The following EED variants were observed in gnomAD, a reference collection of about 807,000 sequenced individuals.
EED encodes the protein polycomb protein EED.
Under a neutral mutation model 61.0 loss-of-function variants are expected in EED, and 9 were observed. That is an observed-to-expected ratio of 0.15 (90% CI 0.09 to 0.26). The LOEUF is 0.26. Among genes scored for constraint, EED ranks in the 10% least tolerant of loss-of-function variants. The probability of loss-of-function intolerance (pLI) is 1.00; values close to 1 mark genes in which losing one functional copy is unlikely to be tolerated. For synonymous variants in EED, 187 were observed against 174.4 expected, an observed-to-expected ratio of 1.07 and a Z score of -0.57; for missense variants, 315 against 542.3, an observed-to-expected ratio of 0.58 and a Z score of 4.16.
chr11:86,252,301 T>G, intron 3 of EED, 61 bp downstream of exon 3: 1 of 1,178,524 alleles, frequency 8.5e-7, no homozygotes, highest in South Asian at 1.5e-5. Context: ...GTTAATGTAA[T>G]ATTGAAATAG....
intron 9 of EED, among the ~76,000 whole-genome samples, chr11:86,272,336 G>A (rs1394677015): frequency 1.3e-5 from 2 of 151,828 alleles, no homozygotes; most frequent in African/African-American, 4.8e-5. Context: ...GGGGTTACAG[G>A]CGTGAGCCAC....
chr11:86,257,340 C>CTTT (rs374892814), intron 5 of EED, among the ~76,000 whole-genome samples, 175 bp from the exon 6 acceptor site: 2 of 101,812 alleles, frequency 2.0e-5, no homozygotes, highest in East Asian at 5.3e-4. Flanking sequence ...TGCCTGGGGT[C>CTTT]TTTTTTTTTT....
intron 7 of EED, 82 bp from the exon 8 acceptor site, chr11:86,266,001 A>G (rs1945965739): frequency 8.3e-7 from 1 of 1,200,604 alleles, no homozygotes; most frequent in African/African-American, 1.6e-5. Context: ...TACAGTTTTC[A>G]CTATGTTGCA....
rs71040225 is a variant in EED at position 86,268,594 on chromosome 11, C to CGTGTGTGTGT, written c.966+56_966+65dup. 26,063 of 818,656 alleles carry CGTGTGTGTGT rather than the reference C, an allele frequency of 0.032. 378 individuals are homozygous for CGTGTGTGTGT. The highest frequency in any genetic ancestry group is 0.033 in the African/African-American group (1,795 of 53,756). The allele number at this position is 818,656 out of a possible 1,614,324, so 50.7% of individuals were successfully genotyped here. ...AACTGCAGTTAAGCTGTACTTCCAT[C>CGTGTGTGTGT]GTGTGTGTGTGTGTGTGTGTGTGTG... On this transcript the variant is annotated intron_variant, in intron 9 of 11. Coordinates refer to ENST00000263360, the MANE Select transcript of EED (RefSeq NM_003797.5).
chr11:86,247,585 G>A (rs1157685118), intron 1 of EED, among the ~76,000 whole-genome samples: 2 of 152,122 alleles, frequency 1.3e-5, no homozygotes, highest in African/African-American at 2.4e-5. Flanking sequence ...AATAATAGAA[G>A]GAAGTGCTAA....
At chr11:86,270,929 A>G (rs1946098896) in intron 9 of EED, among the ~76,000 whole-genome samples, 1 of 152,128 alleles carries the variant, frequency 6.6e-6, no homozygotes, top group African/African-American at 2.4e-5. Flanking sequence ...TAGCTCTATA[A>G]TTATTCTTGG....
Position 86,245,033 on chromosome 11 carries a change from G to C in EED, c.-197G>C. On this transcript the variant is annotated 5_prime_UTR_variant, in exon 1 of 12. Transcript: ENST00000263360. ...GCCGCGCGGGAGGGCGCGCGCGCGC[G>C]CCCCTTTTTCAGCAGTGTGGCGGGG... is the stretch of plus-strand genomic sequence containing the variant. 2.1e-6 allele frequency: 1 copy of C among 486,010 alleles called. No individual in the cohort carries two copies. The highest frequency in any genetic ancestry group is 2.9e-5 in the South Asian group (1 of 34,662). The allele number at this position is 486,010 out of a possible 1,614,324, so 30.1% of individuals were successfully genotyped here.
chr11:86,279,943 C>G (rs1946304261), downstream of EED, among the ~76,000 whole-genome samples: 1 of 152,158 alleles, frequency 6.6e-6, no homozygotes, highest in African/African-American at 2.4e-5. Flanking sequence ...ACTGTCATAT[C>G]CTTTTAGCAA....
chr11:86,247,623 C>G (rs960689420), intron 1 of EED, among the ~76,000 whole-genome samples: 3 of 152,194 alleles, frequency 2.0e-5, no homozygotes, highest in Admixed American at 2.0e-4. Flanking sequence ...AATTAAGATG[C>G]AATTTTTTTT....
intron 9 of EED, among the ~76,000 whole-genome samples, chr11:86,270,620 C>T (rs527873481): frequency 2.6e-5 from 4 of 152,086 alleles, no homozygotes; most frequent in South Asian, 2.1e-4. Flanking sequence ...AAGATTTTCT[C>T]CTGTGTTCTC....
intron 6 of EED, chr11:86,263,879 A>G (rs1397478471): frequency 9.8e-6 from 3 of 307,682 alleles, no homozygotes; most frequent in Non-Finnish European, 1.2e-5. Context: ...ATTTGTGAGG[A>G]TGGAGCCCCC....
In EED at chr11:86,245,315, G is replaced by C. The variant is rs1371470025; in HGVS notation, c.86G>C (p.Ser29Thr). ...KKQKLSSDENSNPDLSGDEND... is the reference protein window; with the variant it reads ...KKQKLSSDENTNPDLSGDEND... ...CAGAAGCTGAGCAGTGACGAGAACA[G>C]CAATCCAGACCTCTCTGGAGACGAG... is the stretch of plus-strand genomic sequence containing the variant. Residue 29 changes from serine (S) to threonine (T), a missense_variant, in exon 1 of 12, where the codon AGC (serine) becomes ACC (threonine). By Grantham distance (58) the Ser-to-Thr change is moderately conservative (BLOSUM62 1). Coordinates refer to ENST00000263360, the MANE Select transcript of EED (RefSeq NM_003797.5). The C allele has an allele frequency of 6.2e-7, 1 of 1,613,226 alleles. No homozygotes were observed. Among genetic ancestry groups the C allele is most frequent in the African/African-American group, 1.3e-5 (1 of 74,842 alleles).
chr11:86,245,182 C>A lies in EED; in HGVS notation c.-48C>A. 2 of 1,528,394 alleles carry A rather than the reference C, an allele frequency of 1.3e-6. No homozygotes were observed. The highest frequency in any genetic ancestry group is 1.8e-6 in the Non-Finnish European group (2 of 1,112,770). 94.7% of individuals were successfully genotyped at this position (1,528,394 alleles called of 1,614,324 possible). ...CCGGGCTTGCTTGACGGCGGTGTGG[C>A]GGAGGCCCCGCCCCAGGCGGCAGGA... is the stretch of plus-strand genomic sequence containing the variant. On this transcript the variant is annotated 5_prime_UTR_variant, in exon 1 of 12. Coordinates refer to ENST00000263360, the MANE Select transcript of EED (RefSeq NM_003797.5).
intron 10 of EED, chr11:86,277,340 G>T: frequency 2.5e-6 from 1 of 403,342 alleles, no homozygotes. Context: ...ATGATCTGCA[G>T]TGCTTACTTT....
intron 9 of EED, among the ~76,000 whole-genome samples, chr11:86,272,199 AG>A (rs1287815754): frequency 4.7e-5 from 7 of 147,536 alleles, no homozygotes; most frequent in Non-Finnish European, 1.5e-5. Context: ...CTGGGACTAC[AG>A]GAGCCTGCCA....
intron 5 of EED, among the ~76,000 whole-genome samples, chr11:86,257,185 T>G (rs1254577170): frequency 2.1e-5 from 3 of 143,356 alleles, no homozygotes. Flanking sequence ...AATTTTTAAT[T>G]TGTGTGTGTG....
At chr11:86,274,453 T>TA (rs1396683787) in intron 9 of EED, among the ~76,000 whole-genome samples, 1 of 152,182 alleles carries the variant, frequency 6.6e-6, no homozygotes, top group Non-Finnish European at 1.5e-5. Context: ...TTTTGGGTAT[T>TA]ACGAGACTCT....
In EED at chr11:86,245,144, C is replaced by G; in HGVS notation, c.-86C>G. ...GGTGGCGGCGGCAGCGGCAACTTTG[C>G]GGCAAGCTCGGGCCGGGCTTGCTTG... On this transcript the variant is annotated 5_prime_UTR_variant, in exon 1 of 12. Coordinates refer to ENST00000263360, the MANE Select transcript of EED (RefSeq NM_003797.5). 1 of 1,123,168 alleles carries G rather than the reference C, an allele frequency of 8.9e-7. No homozygotes were observed. The highest frequency in any genetic ancestry group is 1.4e-5 in the South Asian group (1 of 70,296). The allele number at this position is 1,123,168 out of a possible 1,614,324, so 69.6% of individuals were successfully genotyped here. A position where few individuals can be genotyped will look rare whatever the true frequency, so the allele number is the denominator to read the frequency against.
At chr11:86,278,147 ATTTTTGTT>A in intron 11 of EED, 156 bp downstream of exon 11, 2 of 1,335,614 alleles carry the variant, frequency 1.5e-6, no homozygotes, top group Non-Finnish European at 1.9e-6. Flanking sequence ...TATTCCAATA[ATTTTTGTT>A]TTTCCTAAGT....
Sources: gnomAD v4.1 joint callset for allele counts (sites outside exome capture counted in the v4.1 genomes callset) on GRCh38, gnomAD v4.1.1 for gene constraint, MANE v1.5 for transcripts, NCBI Gene and HGNC (gene_info 2026-07-23, HGNC 2026-07-21) for gene names.